Variants in NLGN1 observed in about 807,000 individuals in gnomAD.
The protein encoded by NLGN1 is neuroligin-1.
A neutral mutation model predicts 65.5 loss-of-function variants in NLGN1; 12 were observed. The ratio of observed to expected loss-of-function variants is 0.18; its 90% CI spans 0.12 to 0.30. NLGN1 has a LOEUF of 0.30. Among genes scored for constraint, NLGN1 ranks in the 10% least tolerant of loss-of-function variants. The pLI is 1.00. For synonymous variants in NLGN1, 350 were observed against 359.5 expected (o/e 0.97, Z 0.30); for missense variants, 750 against 1,007.1 (o/e 0.74, Z 3.46).
intron 4 of NLGN1, among the ~76,000 whole-genome samples, chr3:173,949,106 A>C (rs1413999875): frequency 6.6e-6 from 1 of 152,142 alleles, no homozygotes; most frequent in Non-Finnish European, 1.5e-5. Flanking sequence ...AATCAGAGTA[A>C]ATGAGAATTT....
At chr3:173,652,664 G>T (rs1759389854) in intron 3 of NLGN1, among the ~76,000 whole-genome samples, 1 of 152,170 alleles carries the variant, frequency 6.6e-6, no homozygotes, top group Non-Finnish European at 1.5e-5. Context: ...AGTACAATTT[G>T]AGGTCAGGTA....
At chr3:174,073,398 T>A (rs555500742) in intron 4 of NLGN1, among the ~76,000 whole-genome samples, 1 of 152,262 alleles carries the variant, frequency 6.6e-6, no homozygotes, top group South Asian at 2.1e-4. Flanking sequence ...GGGGGGCACT[T>A]TAGCATATGT....
chr3:173,466,319 T>TA (rs2148907422), intron 2 of NLGN1, among the ~76,000 whole-genome samples: 1 of 152,314 alleles, frequency 6.6e-6, no homozygotes, highest in African/African-American at 2.4e-5. Flanking sequence ...TCTTGTGTTA[T>TA]ATACAGTGCT....
chr3:174,290,391 C>G (rs1238709476), downstream of NLGN1, among the ~76,000 whole-genome samples: 2 of 150,794 alleles, frequency 1.3e-5, no homozygotes, highest in Non-Finnish European at 3.0e-5. Flanking sequence ...CCTCAGCTAA[C>G]AATATCCCTA....
chr3:173,814,053 C>G lies in NLGN1; in HGVS notation c.646+6221C>G, dbSNP rs576617606. On this transcript the variant is annotated intron_variant, in intron 4 of 6. Coordinates refer to ENST00000457714, the Ensembl canonical transcript of NLGN1. ...AGGCCGAGGGCTAGGCCTGTGTCCTCCCACGGACGACCGTGACTTCCCAGC... is the reference window on the plus strand; with the variant it reads ...AGGCCGAGGGCTAGGCCTGTGTCCTGCCACGGACGACCGTGACTTCCCAGC... Among the ~76,000 whole-genome samples the G allele has an allele frequency of 2.0e-5, 3 of 152,352 alleles. No homozygotes were observed. The South Asian group carries it at 6.2e-4, about 32-fold the overall frequency.
At chr3:173,665,328 G>C (rs2010738) in intron 3 of NLGN1, among the ~76,000 whole-genome samples, 2 of 152,060 alleles carry the variant, frequency 1.3e-5, no homozygotes, top group Admixed American at 6.6e-5. Flanking sequence ...GAAGAAGGAC[G>C]TAGTTGCTTC....
chr3:174,197,393 A>G (rs113314339), intron 4 of NLGN1, among the ~76,000 whole-genome samples: 3,307 of 152,180 alleles, frequency 0.022, 41 homozygotes, highest in East Asian at 0.038. Flanking sequence ...AGTTTATATC[A>G]GATACAGAGT....
At chr3:173,876,018 A>G (rs1159240395) in intron 4 of NLGN1, among the ~76,000 whole-genome samples, 1 of 152,182 alleles carries the variant, frequency 6.6e-6, no homozygotes, top group Non-Finnish European at 1.5e-5. Flanking sequence ...TCCCTGAGAA[A>G]ATTTTAAAAC....
intron 4 of NLGN1, among the ~76,000 whole-genome samples, chr3:173,828,381 C>G (rs1721791726): frequency 1.3e-5 from 2 of 152,012 alleles, no homozygotes; most frequent in Admixed American, 1.3e-4. Flanking sequence ...GAACACGGGT[C>G]CCCTTCCAAA....
intron 4 of NLGN1, among the ~76,000 whole-genome samples, chr3:174,178,657 A>T (rs73036595): frequency 0.015 from 2,286 of 152,220 alleles, 57 homozygotes; most frequent in African/African-American, 0.052. Context: ...GTACCTTCAG[A>T]AAAATGAATA....
At chr3:173,949,034 T>C (rs1012816845) in intron 4 of NLGN1, among the ~76,000 whole-genome samples, 49 of 152,188 alleles carry the variant, frequency 3.2e-4, no homozygotes, top group Non-Finnish European at 2.6e-4. Flanking sequence ...AAATTTTTTT[T>C]TAACTATGGT....
At chr3:174,016,312 C>A (rs989237400) in intron 4 of NLGN1, among the ~76,000 whole-genome samples, 6 of 152,098 alleles carry the variant, frequency 3.9e-5, no homozygotes, top group African/African-American at 1.2e-4. Flanking sequence ...TGTATATGGG[C>A]CAGACTCTAA....
At chr3:173,591,671 C>G (rs1027760962) in intron 2 of NLGN1, among the ~76,000 whole-genome samples, 1 of 152,158 alleles carries the variant, frequency 6.6e-6, no homozygotes, top group African/African-American at 2.4e-5. Context: ...CAGCTATTCT[C>G]TGGCAACAAG....
intron 4 of NLGN1, among the ~76,000 whole-genome samples, chr3:173,931,467 G>A (rs561521112): frequency 6.6e-5 from 10 of 152,224 alleles, no homozygotes; most frequent in Non-Finnish European, 8.8e-5. Context: ...TTAAAGACAG[G>A]TTTTGAAGTA....
chr3:173,735,006 T>G (rs2150076489), intron 3 of NLGN1, among the ~76,000 whole-genome samples: 1 of 152,208 alleles, frequency 6.6e-6, no homozygotes, highest in Non-Finnish European at 1.5e-5. Context: ...CCTTTAAGAA[T>G]TAAACTTAAT....
chr3:173,773,189 T>C (rs1233477155), intron 3 of NLGN1, among the ~76,000 whole-genome samples: 2 of 152,106 alleles, frequency 1.3e-5, no homozygotes. Flanking sequence ...GTCACACATA[T>C]CAAGCTATCC....
At chr3:173,578,577 C>T (rs1021802) in intron 2 of NLGN1, among the ~76,000 whole-genome samples, 73,865 of 151,946 alleles carry the variant, frequency 0.49, 18,313 homozygotes, top group East Asian at 0.73. Flanking sequence ...TCTGCTAATA[C>T]TGGAAACATA....
chr3:173,623,217 A>C (rs1754291439), intron 3 of NLGN1, among the ~76,000 whole-genome samples: 1 of 152,134 alleles, frequency 6.6e-6, no homozygotes, highest in South Asian at 2.1e-4. Flanking sequence ...GCCCTTTGGC[A>C]TGCAAGTCAA....
At chr3:173,744,747 T>C (rs577792426) in intron 3 of NLGN1, among the ~76,000 whole-genome samples, 1 of 152,202 alleles carries the variant, frequency 6.6e-6, no homozygotes, top group African/African-American at 2.4e-5. Context: ...TATCTTTCCT[T>C]CTCCCTTTCC....
Sources: allele counts gnomAD v4.1 joint callset (sites outside exome capture counted in the v4.1 genomes callset), GRCh38; gene constraint gnomAD v4.1.1; transcripts MANE v1.5; gene names NCBI Gene and HGNC (gene_info 2026-07-23, HGNC 2026-07-21).